The following SYNPO variants were observed in gnomAD, a reference collection of about 807,000 sequenced individuals.
SYNPO encodes the protein synaptopodin.
A neutral mutation model predicts 49.5 loss-of-function variants in SYNPO; 19 were observed. The ratio of observed to expected loss-of-function variants is 0.38; its 90% confidence interval spans 0.27 to 0.56. SYNPO has a LOEUF of 0.56. Ranked by LOEUF, SYNPO falls within the 20% of genes least tolerant of loss-of-function variation. The probability of loss-of-function intolerance (pLI) is 0.68; values close to 1 mark genes in which losing one functional copy is unlikely to be tolerated. For missense variants in SYNPO, 1,131 were observed against 1,248.3 expected (o/e 0.91, Z 1.42); for synonymous variants, 536 against 548.0 (o/e 0.98, Z 0.31).
At chr5:150,602,709 T>C (rs1756576007) in intron 1 of SYNPO, among the ~76,000 whole-genome samples, 1 of 152,144 alleles carries the variant, frequency 6.6e-6, no homozygotes, top group African/African-American at 2.4e-5. Flanking sequence ...AGCTGTTTTT[T>C]CTTTTATTTT....
At position 150,640,862 on chromosome 5, in the gene SYNPO, A is replaced by G; in HGVS notation, c.-333+8A>G. On this transcript the variant is annotated splice_region_variant and intron_variant, in intron 1 of 2. Transcript: ENST00000307662. ...CAGGGAGGACCTAGCAGAGTGAGTA[A>G]GATGAGCACCCGGAGGTGCCTTTGT... 1 of 985,518 alleles carries G rather than the reference A, an allele frequency of 1.0e-6. No homozygotes were observed. The highest frequency in any genetic ancestry group is 1.2e-6 in the Non-Finnish European group (1 of 829,864). 61.0% of individuals were successfully genotyped at this position (985,518 alleles called of 1,614,324 possible).
At chr5:150,626,517 C>T (rs1347559301) in intron 2 of SYNPO, among the ~76,000 whole-genome samples, 1 of 152,200 alleles carries the variant, frequency 6.6e-6, no homozygotes, top group Non-Finnish European at 1.5e-5. Flanking sequence ...TGGGCCGGCT[C>T]CCCTCAACCC....
the SYNPO span, among the ~76,000 whole-genome samples, chr5:150,593,626 A>G: frequency 6.6e-6 from 1 of 151,942 alleles, no homozygotes; most frequent in Non-Finnish European, 1.5e-5. Context: ...CACACTGGCT[A>G]ATTTTTGTGT....
intron 2 of SYNPO, chr5:150,651,205 G>T: frequency 2.0e-6 from 2 of 1,008,772 alleles, no homozygotes; most frequent in Non-Finnish European, 2.4e-6. Context: ...GGCTGTTTTG[G>T]CTTCAGATTC....
At chr5:150,606,630 G>T (rs1756700574) in intron 1 of SYNPO, among the ~76,000 whole-genome samples, 1 of 152,210 alleles carries the variant, frequency 6.6e-6, no homozygotes, top group Non-Finnish European at 1.5e-5. Context: ...ATGCCCTGTG[G>T]AGCAGCAACA....
chr5:150,612,291 G>A (rs752921), intron 1 of SYNPO, among the ~76,000 whole-genome samples: 42,290 of 152,006 alleles, frequency 0.28, 6,814 homozygotes, highest in African/African-American at 0.44. Flanking sequence ...GGATGCCTCC[G>A]TTTTGCTCCT....
chr5:150,612,690 A>G (rs1756881160), intron 1 of SYNPO, among the ~76,000 whole-genome samples: 1 of 152,218 alleles, frequency 6.6e-6, no homozygotes, highest in Non-Finnish European at 1.5e-5. Flanking sequence ...AGCTGCTGCA[A>G]ATGAAGTGTC....
upstream of SYNPO, chr5:150,640,547 G>T: frequency 5.9e-6 from 4 of 679,308 alleles, no homozygotes; most frequent in Non-Finnish European, 7.3e-6. Context: ...AGAGGCATGA[G>T]TGGAGCCCGG....
upstream of SYNPO, among the ~76,000 whole-genome samples, chr5:150,596,750 T>C (rs2151327035): frequency 6.6e-6 from 1 of 152,238 alleles, no homozygotes; most frequent in Admixed American, 6.5e-5. Context: ...TGTCTCCTGC[T>C]GAGCAAGGGT....
At chr5:150,628,920 A>G (rs1414033038) in intron 2 of SYNPO, among the ~76,000 whole-genome samples, 2 of 152,080 alleles carry the variant, frequency 1.3e-5, no homozygotes, top group African/African-American at 4.8e-5. Context: ...AAATAGAAAT[A>G]GCAAGTTCTT....
chr5:150,645,428 C>A (rs753366713), intron 1 of SYNPO, among the ~76,000 whole-genome samples: 7 of 152,242 alleles, frequency 4.6e-5, no homozygotes, highest in Non-Finnish European at 7.3e-5. Flanking sequence ...TCTGTCAATG[C>A]ATTTGTTCAT....
chr5:150,635,651 C>T (rs190874111), intron 2 of SYNPO, among the ~76,000 whole-genome samples: 10 of 152,184 alleles, frequency 6.6e-5, no homozygotes, highest in Admixed American at 1.3e-4. Flanking sequence ...TTTGTAGAGA[C>T]GGGGTTTCAC....
At chr5:150,631,679 T>G (rs920916414) in intron 2 of SYNPO, among the ~76,000 whole-genome samples, 4 of 152,006 alleles carry the variant, frequency 2.6e-5, no homozygotes, top group African/African-American at 9.7e-5. Flanking sequence ...CTTTCCTCTT[T>G]CCCTTGGATG....
intron 1 of SYNPO, chr5:150,617,635 C>G (rs1385903477): frequency 6.6e-6 from 1 of 152,130 alleles, no homozygotes; most frequent in Non-Finnish European, 1.5e-5. Context: ...TCCAAGGGCT[C>G]CTATCCCCAG....
chr5:150,646,898 G>A (rs1233413682), intron 1 of SYNPO, among the ~76,000 whole-genome samples: 4 of 152,132 alleles, frequency 2.6e-5, no homozygotes, highest in Admixed American at 6.5e-5. Context: ...AATATCTACC[G>A]AGTGCCACTG....
chr5:150,647,364 A>T (rs1758141786), intron 1 of SYNPO, among the ~76,000 whole-genome samples: 1 of 152,208 alleles, frequency 6.6e-6, no homozygotes, highest in Non-Finnish European at 1.5e-5. Flanking sequence ...TGCTATGGAG[A>T]AAACAAAACA....
chr5:150,640,143 A>G, upstream of SYNPO: 1 of 985,440 alleles, frequency 1.0e-6, no homozygotes, highest in Non-Finnish European at 1.2e-6. Flanking sequence ...TGGTGAGTAT[A>G]CCCTGAAAGA....
intron 1 of SYNPO, among the ~76,000 whole-genome samples, chr5:150,610,789 A>G (rs1359773972): frequency 3.3e-5 from 5 of 152,214 alleles, no homozygotes; most frequent in African/African-American, 1.2e-4. Flanking sequence ...AGAATGTTCC[A>G]AAAAAAGAAT....
chr5:150,620,208 G>A (rs183952703), intron 2 of SYNPO, among the ~76,000 whole-genome samples: 1 of 152,212 alleles, frequency 6.6e-6, no homozygotes, highest in Non-Finnish European at 1.5e-5. Context: ...GCTGTTAGGA[G>A]GTTGCAATGA....
Sources: allele counts gnomAD v4.1 joint callset (sites outside exome capture counted in the v4.1 genomes callset), GRCh38; gene constraint gnomAD v4.1.1; transcripts MANE v1.5; gene names NCBI Gene and HGNC (gene_info 2026-07-23, HGNC 2026-07-21).